Variants in CNTNAP2 observed in about 807,000 individuals in gnomAD.
CNTNAP2 encodes the protein contactin associated protein 2, also known as contactin-associated protein-like 2.
In CNTNAP2, 98 loss-of-function variants were observed where a neutral mutation model predicts 155.2. That is an observed-to-expected ratio of 0.63 (90% CI 0.54 to 0.75). The LOEUF is 0.75. Among genes scored for constraint, CNTNAP2 ranks in the 30% least tolerant of loss-of-function variants. The probability of loss-of-function intolerance (pLI) is 0.00; values close to 1 mark genes in which losing one functional copy is unlikely to be tolerated. For missense variants in CNTNAP2, 1,727 were observed against 1,688.1 expected, an observed-to-expected ratio of 1.02 and a Z score of -0.40; for synonymous variants, 651 against 631.2, an observed-to-expected ratio of 1.03 and a Z score of -0.47.
chr7:146,145,026 T>C (rs1797937519), intron 1 of CNTNAP2, among the ~76,000 whole-genome samples: 1 of 152,142 alleles, frequency 6.6e-6, no homozygotes, highest in Non-Finnish European at 1.5e-5. Flanking sequence ...ATGAATTTTG[T>C]CCAAACGTTG....
intron 14 of CNTNAP2, among the ~76,000 whole-genome samples, chr7:147,916,394 G>C (rs1442940942): frequency 6.6e-6 from 1 of 152,084 alleles, no homozygotes; most frequent in African/African-American, 2.4e-5. Context: ...ATACGGTTTG[G>C]CCACTGCCCC....
chr7:146,944,112 A>G (rs1157857154), intron 3 of CNTNAP2, among the ~76,000 whole-genome samples: 1 of 151,638 alleles, frequency 6.6e-6, no homozygotes, highest in East Asian at 1.9e-4. Context: ...TGTATCATTT[A>G]TGGTAGTAAA....
chr7:147,456,632 A>C (rs1376273800), intron 10 of CNTNAP2, among the ~76,000 whole-genome samples: 1 of 152,146 alleles, frequency 6.6e-6, no homozygotes, highest in African/African-American at 2.4e-5. Context: ...CATGGGGAAG[A>C]GGGAAATTTG....
chr7:147,548,597 G>T lies in CNTNAP2; in HGVS notation c.1778-13541G>T, dbSNP rs148251141. Reference sequence around the variant, plus strand: ...TGATAGTTCCTTTTGCTGTGCAGACGCTCTTCAGTTTAATTAGATCCCATT... The same window carrying T: ...TGATAGTTCCTTTTGCTGTGCAGACTCTCTTCAGTTTAATTAGATCCCATT... On this transcript the variant is annotated intron_variant, in intron 11 of 23. Coordinates refer to ENST00000361727, the MANE Select transcript of CNTNAP2 (RefSeq NM_014141.6). 4.4e-3 allele frequency among the ~76,000 whole-genome samples: 676 copies of T among 152,186 alleles called. 3 individuals carry two copies. The highest frequency in any genetic ancestry group is 0.022 in the South Asian group (107 of 4,820).
intron 15 of CNTNAP2, among the ~76,000 whole-genome samples, chr7:148,017,618 A>G (rs6979577): frequency 0.39 from 59,910 of 152,038 alleles, 12,455 homozygotes; most frequent in East Asian, 0.74. Flanking sequence ...GTAGTAGCCA[A>G]TTGGTAAGTA....
rs751202112 is a variant in CNTNAP2, at chr7:147,132,383, G to A, written c.1222G>A (p.Gly408Ser). The change falls in exon 8 of 24, where the codon GGT becomes AGT. Residue 408 changes from glycine (G) to serine (S), a missense_variant. Physicochemically the swap from Gly to Ser is moderately conservative, Grantham distance 56 (BLOSUM62 0). Transcript: ENST00000361727. Reference sequence around the variant, plus strand: ...CCAGTTTAGGACATGGAACCCCAATGGTCTCCTGGTCTTCAGTCACTTTGC... The same window carrying A: ...CCAGTTTAGGACATGGAACCCCAATAGTCTCCTGGTCTTCAGTCACTTTGC... ...SFQFRTWNPNGLLVFSHFADN... is the reference protein window; with the variant it reads ...SFQFRTWNPNSLLVFSHFADN... 1 of 1,613,640 alleles carries A rather than the reference G, an allele frequency of 6.2e-7. No individual in the cohort carries two copies. Among genetic ancestry groups the A allele is most frequent in the Non-Finnish European group, 8.5e-7 (1 of 1,179,780 alleles).
intron 3 of CNTNAP2, among the ~76,000 whole-genome samples, chr7:146,940,255 G>T (rs1797023041): frequency 6.6e-6 from 1 of 151,804 alleles, no homozygotes; most frequent in Non-Finnish European, 1.5e-5. Context: ...CGCCAGGCTG[G>T]AGTGCAGTGG....
At chr7:148,024,700 T>A (rs1195199762) in intron 15 of CNTNAP2, among the ~76,000 whole-genome samples, 1 of 152,212 alleles carries the variant, frequency 6.6e-6, no homozygotes, top group Non-Finnish European at 1.5e-5. Flanking sequence ...TGTTATAGCA[T>A]GTTACAAGTT....
intron 3 of CNTNAP2, among the ~76,000 whole-genome samples, chr7:146,921,347 C>A (rs1034159736): frequency 5.9e-5 from 9 of 152,058 alleles, no homozygotes; most frequent in African/African-American, 2.2e-4. Context: ...ACTTGAGATG[C>A]GAATGATGAA....
At chr7:146,851,861 A>T (rs7789933) in intron 3 of CNTNAP2, among the ~76,000 whole-genome samples, 57,595 of 150,942 alleles carry the variant, frequency 0.38, 11,732 homozygotes, top group African/African-American at 0.54. Flanking sequence ...TAATTTATTT[A>T]TTTTTTGTAG....
intron 8 of CNTNAP2, among the ~76,000 whole-genome samples, chr7:147,284,513 T>TA (rs1225311078): frequency 1.3e-5 from 2 of 151,882 alleles, no homozygotes; most frequent in African/African-American, 2.4e-5. Context: ...CATGAAACCA[T>TA]ATTAATAACA....
intron 10 of CNTNAP2, among the ~76,000 whole-genome samples, chr7:147,417,309 G>T (rs1441338838): frequency 6.6e-6 from 1 of 152,196 alleles, no homozygotes; most frequent in South Asian, 2.1e-4. Context: ...AGCCTGAGTT[G>T]AAAGCGCTGG....
At chr7:147,382,649 C>T (rs560419108) in intron 9 of CNTNAP2, among the ~76,000 whole-genome samples, 1 of 152,164 alleles carries the variant, frequency 6.6e-6, no homozygotes, top group African/African-American at 2.4e-5. Context: ...TTAGAGACAT[C>T]CTCCCATAGT....
intron 3 of CNTNAP2, among the ~76,000 whole-genome samples, chr7:146,920,526 C>G (rs185128164): frequency 1.8e-3 from 266 of 151,698 alleles, no homozygotes; most frequent in African/African-American, 6.1e-3. Context: ...TAAATATACA[C>G]AACAATAATT....
At chr7:147,100,534 T>C (rs1800631961) in intron 4 of CNTNAP2, among the ~76,000 whole-genome samples, 1 of 152,244 alleles carries the variant, frequency 6.6e-6, no homozygotes, top group African/African-American at 2.4e-5. Context: ...TTTAAACTCA[T>C]ACAGGAGTTC....
At position 147,476,300 on chromosome 7, in the gene CNTNAP2, T is replaced by C. The variant is rs1408377161; in HGVS notation, c.1671-9635T>C. Among the ~76,000 whole-genome samples, 3 of 151,980 alleles carry C rather than the reference T, an allele frequency of 2.0e-5. No individual in the cohort carries two copies. In the East Asian group the frequency reaches 5.9e-4, roughly 30 times the overall value. On this transcript the variant is annotated intron_variant, in intron 10 of 23. Transcript: ENST00000361727. The stretch of plus-strand genomic sequence containing the variant: ...TTTTGTATTTTTAGTAGAGATGGGG[T>C]TTCACCGTGTTAACCAGGATGGTCT...
At chr7:146,205,372 A>T (rs139937149) in intron 1 of CNTNAP2, among the ~76,000 whole-genome samples, 5 of 152,106 alleles carry the variant, frequency 3.3e-5, no homozygotes, top group African/African-American at 1.2e-4. Context: ...TTCTGAGTCA[A>T]AGACTATTCT....
At chr7:146,423,863 A>C (rs1033877523) in intron 1 of CNTNAP2, among the ~76,000 whole-genome samples, 3 of 152,250 alleles carry the variant, frequency 2.0e-5, no homozygotes, top group Non-Finnish European at 2.9e-5. Flanking sequence ...CTTTAGTCAG[A>C]TAAATCTTAA....
chr7:147,621,572 T>TAA (rs200531387), intron 12 of CNTNAP2, among the ~76,000 whole-genome samples: 2 of 151,866 alleles, frequency 1.3e-5, no homozygotes, highest in African/African-American at 4.8e-5. Context: ...GTTATCAGCT[T>TAA]AAAAAAATGT....
Sources: gnomAD v4.1 joint callset for allele counts (sites outside exome capture counted in the v4.1 genomes callset) on GRCh38, gnomAD v4.1.1 for gene constraint, MANE v1.5 for transcripts, NCBI Gene and HGNC (gene_info 2026-07-23, HGNC 2026-07-21) for gene names.